SCPEP1: variants seen among roughly 807,000 people sequenced by gnomAD.
SCPEP1 encodes the protein serine carboxypeptidase 1, also known as retinoid-inducible serine carboxypeptidase.
Under a neutral mutation model 63.8 loss-of-function variants are expected in SCPEP1, and 51 were observed. That is an observed-to-expected ratio of 0.80 (90% confidence interval 0.64 to 1.01). The LOEUF is 1.01. SCPEP1 is among the 50% of genes least tolerant of loss of function. SCPEP1 has a pLI of 0.00. For missense variants in SCPEP1, 499 were observed against 554.9 expected (o/e 0.90, Z 1.01); for synonymous variants, 204 against 207.8 (o/e 0.98, Z 0.16).
At chr17:56,980,143 C>T (rs994894635) in intron 1 of SCPEP1, among the ~76,000 whole-genome samples, 2 of 152,078 alleles carry the variant, frequency 1.3e-5, no homozygotes, top group African/African-American at 4.8e-5. Context: ...GAGATAGGAT[C>T]TCCCTCTGTC....
At chr17:56,983,560 C>G (rs1338304832) in intron 2 of SCPEP1, 3 of 152,254 alleles carry the variant, frequency 2.0e-5, no homozygotes, top group Non-Finnish European at 4.4e-5. Flanking sequence ...GTTGCCTAAC[C>G]TGTTCCCCTA....
At chr17:56,990,745 T>C (rs1024115877) in intron 5 of SCPEP1, among the ~76,000 whole-genome samples, 1 of 152,114 alleles carries the variant, frequency 6.6e-6, no homozygotes, top group East Asian at 1.9e-4. Flanking sequence ...AGTATCCTCC[T>C]GCCTCAGCCT....
intron 7 of SCPEP1, 33 bp downstream of exon 7, chr17:56,995,051 A>G (rs536508221): frequency 3.1e-6 from 5 of 1,589,278 alleles, no homozygotes; most frequent in Non-Finnish European, 4.3e-6. Context: ...CCTCTGGGCA[A>G]ACAGCCCAGC....
At chr17:57,001,981 G>A in intron 11 of SCPEP1, 37 bp from the exon 12 acceptor site, 1 of 1,592,596 alleles carries the variant, frequency 6.3e-7, no homozygotes, top group Non-Finnish European at 8.5e-7. Context: ...CTATCCAGCT[G>A]TTAATGCCAG....
rs568205370 is a variant in SCPEP1, at chr17:57,003,334, C to T, written c.1296+1153C>T. ...AAAGGAGTGAAATTAACAGATTTGTCCAAGAAATACCATTCTAGCAGTAGA... is the reference window on the plus strand; with the variant it reads ...AAAGGAGTGAAATTAACAGATTTGTTCAAGAAATACCATTCTAGCAGTAGA... On this transcript the variant is annotated intron_variant, in intron 12 of 12. Coordinates refer to ENST00000262288, the MANE Select transcript of SCPEP1 (RefSeq NM_021626.3). 3.3e-5 allele frequency among the ~76,000 whole-genome samples: 5 copies of T among 152,144 alleles called. No individual in the cohort carries two copies. The South Asian group carries it at 8.3e-4, about 25-fold the overall frequency.
intron 2 of SCPEP1, among the ~76,000 whole-genome samples, chr17:56,982,185 A>G (rs569950001): frequency 2.6e-5 from 4 of 152,108 alleles, no homozygotes; most frequent in Admixed American, 2.6e-4. Flanking sequence ...ATTAAGGAAC[A>G]TGGTCTTGCC....
At chr17:56,995,760 A>C (rs572279888) in intron 8 of SCPEP1, 125 bp downstream of exon 8, 3 of 1,035,200 alleles carry the variant, frequency 2.9e-6, no homozygotes, top group East Asian at 5.5e-5. Context: ...AAATGATTGC[A>C]TGCTGGATAA....
chr17:56,986,038 A>G (rs945093004), intron 3 of SCPEP1, among the ~76,000 whole-genome samples: 1 of 151,602 alleles, frequency 6.6e-6, no homozygotes, highest in Non-Finnish European at 1.5e-5. Flanking sequence ...CAGGCTGCCC[A>G]TGGGCAGAAC....
In SCPEP1 at chr17:56,991,172, G is replaced by C. The variant is rs1911387104; in HGVS notation, c.619+1G>C. On this transcript the variant is annotated splice_donor_variant, in intron 6 of 12. Transcript: ENST00000262288. LOFTEE classifies it high-confidence loss of function. ...GGTGATTCCTGGATCTCCCCTGTTG[G>C]TAAGTGTGGCATTTTCAGGCATTTT... 5 of 1,612,852 alleles carry C rather than the reference G, an allele frequency of 3.1e-6. No individual in the cohort carries two copies. The highest frequency in any genetic ancestry group is 1.7e-5 in the Admixed American group (1 of 59,990).
chr17:56,987,276 G>A (rs765299050), intron 3 of SCPEP1: 2 of 156,832 alleles, frequency 1.3e-5, no homozygotes, highest in Non-Finnish European at 2.8e-5. Context: ...GAAATTTGAT[G>A]CATTTCCAAG....
At chr17:56,988,070 A>C in intron 4 of SCPEP1, 146 bp from the exon 5 acceptor site, 1 of 758,554 alleles carries the variant, frequency 1.3e-6, no homozygotes, top group Non-Finnish European at 2.1e-6. Flanking sequence ...AATCAGACGC[A>C]ATAATCAGAT....
At chr17:56,981,277 C>T in intron 2 of SCPEP1, 47 bp downstream of exon 2, 1 of 1,604,760 alleles carries the variant, frequency 6.2e-7, no homozygotes, top group East Asian at 2.2e-5. Flanking sequence ...CAAGTCTCCT[C>T]TGTGTGGCTC....
chr17:56,985,891 C>G (rs534950997), intron 3 of SCPEP1, among the ~76,000 whole-genome samples: 1 of 152,086 alleles, frequency 6.6e-6, no homozygotes, highest in East Asian at 1.9e-4. Flanking sequence ...CTGCCCTTCT[C>G]ACACCTCCCC....
chr17:56,998,280 C>G (rs917909589), intron 9 of SCPEP1, 105 bp from the exon 10 acceptor site: 27 of 736,486 alleles, frequency 3.7e-5, no homozygotes, highest in Non-Finnish European at 5.4e-5. Flanking sequence ...CACTGCACTC[C>G]AGCCTGGAGA....
chr17:56,996,612 T>C (rs1489857653), intron 8 of SCPEP1, among the ~76,000 whole-genome samples: 1 of 152,060 alleles, frequency 6.6e-6, no homozygotes, highest in Admixed American at 6.6e-5. Flanking sequence ...CTCTGCCTCC[T>C]GGGTTCAAGT....
At chr17:56,994,284 T>G (rs1156551429) in intron 6 of SCPEP1, among the ~76,000 whole-genome samples, 2 of 152,232 alleles carry the variant, frequency 1.3e-5, no homozygotes, top group Non-Finnish European at 2.9e-5. Flanking sequence ...AGGTCCTTGA[T>G]TCTTTGTTGG....
At chr17:56,990,904 G>A (rs1911375733) in intron 5 of SCPEP1, among the ~76,000 whole-genome samples, 195 bp from the exon 6 acceptor site, 1 of 152,048 alleles carries the variant, frequency 6.6e-6, no homozygotes, top group African/African-American at 2.4e-5. Context: ...TGGGTATCTG[G>A]GACTATAAGG....
chr17:56,988,108 C>A, intron 4 of SCPEP1, 108 bp from the exon 5 acceptor site: 1 of 924,624 alleles, frequency 1.1e-6, no homozygotes, highest in South Asian at 1.6e-5. Flanking sequence ...GAAGACAAAG[C>A]AGATTTGTTT....
intron 12 of SCPEP1, among the ~76,000 whole-genome samples, chr17:57,004,683 T>G (rs991543912): frequency 2.6e-5 from 4 of 152,218 alleles, no homozygotes; most frequent in Non-Finnish European, 4.4e-5. Context: ...CTTATACACA[T>G]AGACCGAAGG....
Sources: allele counts gnomAD v4.1 joint callset (sites outside exome capture counted in the v4.1 genomes callset), GRCh38; gene constraint gnomAD v4.1.1; transcripts MANE v1.5; gene names NCBI Gene and HGNC (gene_info 2026-07-23, HGNC 2026-07-21).